ARHGAP44: variants seen among roughly 807,000 people sequenced by gnomAD.
ARHGAP44 encodes the protein rho GTPase-activating protein 44.
In ARHGAP44, 43 loss-of-function variants were observed where a neutral mutation model predicts 106.8. The observed-to-expected ratio is 0.40, with a 90% CI of 0.32 to 0.52. The LOEUF (loss-of-function observed/expected upper bound fraction) is 0.52. Among genes scored for constraint, ARHGAP44 ranks in the 20% least tolerant of loss-of-function variants. The pLI is 0.48. For missense variants in ARHGAP44, 866 were observed against 1,050.5 expected (o/e 0.82, Z 2.43); for synonymous variants, 439 against 410.3 (o/e 1.07, Z -0.85).
intron 1 of ARHGAP44, among the ~76,000 whole-genome samples, chr17:12,888,034 CT>C (rs2036932846): frequency 6.6e-6 from 1 of 151,778 alleles, no homozygotes; most frequent in Non-Finnish European, 1.5e-5. Flanking sequence ...ATTTTTTAAA[CT>C]TTATTGATCT....
rs35243771 is a variant in ARHGAP44 at position 12,825,416 on chromosome 17, T to TTGTGTGTGTGTGTG, written c.53+35536_53+35549dup. ...GAAACAGAACCAATAAGGAGTGTGT[T>TTGTGTGTGTGTGTG]TGTGTGTGTGTGTGTGTGTGTGTGC... On this transcript the variant is annotated intron_variant, in intron 1 of 20. Transcript: ENST00000379672. Among the ~76,000 whole-genome samples, 23 of 148,188 alleles carry TTGTGTGTGTGTGTG rather than the reference T, an allele frequency of 1.6e-4. No homozygotes were observed. In the South Asian group the frequency reaches 3.0e-3, roughly 19 times the overall value.
chr17:12,891,821 TCTCA>T (rs1284418990), intron 1 of ARHGAP44, among the ~76,000 whole-genome samples: 1 of 147,688 alleles, frequency 6.8e-6, no homozygotes, highest in Non-Finnish European at 1.5e-5. Flanking sequence ...TTAGATGGAG[TCTCA>T]CTCTTGTCAC....
chr17:12,809,121 C>A (rs1259819007), intron 1 of ARHGAP44, among the ~76,000 whole-genome samples: 1 of 152,288 alleles, frequency 6.6e-6, no homozygotes, highest in East Asian at 1.9e-4. Context: ...CCAACAGGTT[C>A]TTCATCTCCA....
At chr17:12,924,964 G>C (rs1012838889) in intron 6 of ARHGAP44, among the ~76,000 whole-genome samples, 6 of 152,264 alleles carry the variant, frequency 3.9e-5, no homozygotes, top group Admixed American at 2.6e-4. Context: ...TTTTGGAGTG[G>C]AAACTGTGCA....
At chr17:12,847,732 T>C (rs2035614156) in intron 1 of ARHGAP44, among the ~76,000 whole-genome samples, 1 of 151,994 alleles carries the variant, frequency 6.6e-6, no homozygotes, top group African/African-American at 2.4e-5. Context: ...GTCTCGATCT[T>C]CTGACCTCGT....
chr17:12,814,365 C>T (rs1004384827), intron 1 of ARHGAP44, among the ~76,000 whole-genome samples: 11 of 151,512 alleles, frequency 7.3e-5, no homozygotes, highest in Admixed American at 2.0e-4. Flanking sequence ...CTCAGCCTCC[C>T]GAGTAGCTGG....
chr17:12,923,321 C>T (rs1374152021), intron 6 of ARHGAP44, among the ~76,000 whole-genome samples: 2 of 152,156 alleles, frequency 1.3e-5, no homozygotes, highest in African/African-American at 4.8e-5. Flanking sequence ...AGCGATTCTC[C>T]TGCCTCAGCC....
chr17:12,803,481 G>C (rs1050437289), intron 1 of ARHGAP44, among the ~76,000 whole-genome samples: 25 of 152,028 alleles, frequency 1.6e-4, no homozygotes, highest in African/African-American at 6.0e-4. Context: ...TATTTTATCT[G>C]TTTCTCCTTT....
chr17:12,887,473 T>C (rs952819956), intron 1 of ARHGAP44, among the ~76,000 whole-genome samples: 3 of 152,160 alleles, frequency 2.0e-5, no homozygotes, highest in African/African-American at 7.2e-5. Context: ...ACTCCTATCC[T>C]CAAGTGATCC....
At chr17:12,827,133 T>C (rs896651278) in intron 1 of ARHGAP44, among the ~76,000 whole-genome samples, 20 of 152,198 alleles carry the variant, frequency 1.3e-4, no homozygotes, top group Non-Finnish European at 2.5e-4. Context: ...TGTAACCCTG[T>C]TCTCTTATTT....
intron 1 of ARHGAP44, among the ~76,000 whole-genome samples, chr17:12,850,215 G>A (rs7219139): frequency 0.018 from 2,672 of 152,254 alleles, 80 homozygotes; most frequent in African/African-American, 0.062. Context: ...GACTGATGAA[G>A]GAAGTTGCTC....
At chr17:12,903,113 AGAGAGAGAGAGAG>A (rs1227384167) in intron 3 of ARHGAP44, among the ~76,000 whole-genome samples, 140 of 75,762 alleles carry the variant, frequency 1.8e-3, no homozygotes, top group Admixed American at 3.3e-3. Context: ...AGAGAGAGAG[AGAGAGAGAGAGAG>A]GAGAGAGAGA....
intron 7 of ARHGAP44, among the ~76,000 whole-genome samples, chr17:12,935,297 G>T (rs1411038341): frequency 1.3e-5 from 2 of 152,192 alleles, no homozygotes. Context: ...ATATGGGCCG[G>T]GTGCGGTGGC....
At chr17:12,889,607 C>T (rs1463505828) in intron 1 of ARHGAP44, among the ~76,000 whole-genome samples, 1 of 152,156 alleles carries the variant, frequency 6.6e-6, no homozygotes, top group East Asian at 1.9e-4. Context: ...TAGCATTCTG[C>T]CTCTGACCCC....
At chr17:12,916,781 C>G (rs2037929855) in intron 5 of ARHGAP44, among the ~76,000 whole-genome samples, 1 of 152,190 alleles carries the variant, frequency 6.6e-6, no homozygotes, top group Non-Finnish European at 1.5e-5. Flanking sequence ...TATGTGAAAA[C>G]TTTGCTAGCT....
intron 1 of ARHGAP44, among the ~76,000 whole-genome samples, chr17:12,827,341 C>T (rs1463159065): frequency 6.6e-6 from 1 of 152,108 alleles, no homozygotes; most frequent in Non-Finnish European, 1.5e-5. Context: ...TCTAATGCGT[C>T]TAATTGCTGT....
intron 19 of ARHGAP44, chr17:12,982,651 G>A (rs2039860832): frequency 6.6e-6 from 1 of 152,162 alleles, no homozygotes; most frequent in Admixed American, 6.5e-5. Flanking sequence ...ATGATTATGT[G>A]GTACTTGACA....
intron 1 of ARHGAP44, among the ~76,000 whole-genome samples, chr17:12,841,468 TCA>T (rs1380554527): frequency 6.6e-6 from 1 of 151,784 alleles, no homozygotes; most frequent in Non-Finnish European, 1.5e-5. Flanking sequence ...TGCTGTAGAC[TCA>T]GTTACTTGGG....
chr17:12,906,866 G>C (rs1218464769), intron 3 of ARHGAP44, among the ~76,000 whole-genome samples: 1 of 152,122 alleles, frequency 6.6e-6, no homozygotes, highest in African/African-American at 2.4e-5. Flanking sequence ...CTTGGGCTTA[G>C]GAGCTCGAGG....
Sources: allele counts gnomAD v4.1 joint callset (sites outside exome capture counted in the v4.1 genomes callset), GRCh38; gene constraint gnomAD v4.1.1; transcripts MANE v1.5; gene names NCBI Gene and HGNC (gene_info 2026-07-23, HGNC 2026-07-21).